PHTF2: variants seen among roughly 807,000 people sequenced by gnomAD.
PHTF2 encodes the protein putative homeodomain transcription factor 2, also known as protein PHTF2.
In PHTF2, 60 loss-of-function variants were observed where a neutral mutation model predicts 101.2. That is an observed-to-expected ratio of 0.59 (90% CI 0.48 to 0.73). The LOEUF is 0.73. Ranked by LOEUF, PHTF2 falls within the 30% of genes least tolerant of loss-of-function variation. The probability of loss-of-function intolerance (pLI) is 0.00; values close to 1 mark genes in which losing one functional copy is unlikely to be tolerated. For synonymous variants in PHTF2, 311 were observed against 307.3 expected, an observed-to-expected ratio of 1.01 and a Z score of -0.13; for missense variants, 747 against 908.7, an observed-to-expected ratio of 0.82 and a Z score of 2.29.
At chr7:77,817,249 C>G (rs919887853) in intron 1 of PHTF2, among the ~76,000 whole-genome samples, 1 of 152,082 alleles carries the variant, frequency 6.6e-6, no homozygotes, top group Admixed American at 6.5e-5. Flanking sequence ...GTTTTTTTGA[C>G]AGTAGCCATT....
intron 3 of PHTF2, among the ~76,000 whole-genome samples, chr7:77,883,284 A>G (rs1429029546): frequency 2.0e-5 from 3 of 152,176 alleles, no homozygotes; most frequent in Non-Finnish European, 4.4e-5. Context: ...AAGGTTATTC[A>G]TCATTCTAAT....
At chr7:77,865,228 T>C (rs962430396) in intron 3 of PHTF2, among the ~76,000 whole-genome samples, 5 of 151,922 alleles carry the variant, frequency 3.3e-5, no homozygotes, top group African/African-American at 4.8e-5. Context: ...AATCTCCTCT[T>C]TTTTCTTTTT....
At chr7:77,873,771 C>T (rs1035586714) in intron 3 of PHTF2, among the ~76,000 whole-genome samples, 1 of 152,222 alleles carries the variant, frequency 6.6e-6, no homozygotes, top group Non-Finnish European at 1.5e-5. Context: ...CCACACGTCT[C>T]CATTCCAAGT....
intron 1 of PHTF2, among the ~76,000 whole-genome samples, chr7:77,836,005 C>T (rs978531425): frequency 1.3e-5 from 2 of 151,062 alleles, no homozygotes; most frequent in African/African-American, 4.9e-5. Context: ...GTATTCCCAG[C>T]TACTCGGGAG....
intron 12 of PHTF2, among the ~76,000 whole-genome samples, chr7:77,930,714 T>C (rs1804488678): frequency 1.3e-5 from 2 of 152,164 alleles, no homozygotes; most frequent in South Asian, 4.1e-4. Flanking sequence ...GCATGATTGG[T>C]TCTTGGTAAA....
intron 16 of PHTF2, among the ~76,000 whole-genome samples, chr7:77,948,744 C>T (rs1044112402): frequency 2.6e-5 from 4 of 152,068 alleles, no homozygotes; most frequent in Admixed American, 6.5e-5. Context: ...GAACACGTCA[C>T]GCCCATTAGA....
chr7:77,891,650 G>C (rs933940168), intron 3 of PHTF2, among the ~76,000 whole-genome samples: 1 of 152,040 alleles, frequency 6.6e-6, no homozygotes, highest in Non-Finnish European at 1.5e-5. Flanking sequence ...GCAGTGGCAT[G>C]ATCATGGCTC....
intron 8 of PHTF2, chr7:77,909,422 T>C (rs1183519038): frequency 6.5e-6 from 1 of 152,802 alleles, no homozygotes; most frequent in African/African-American, 2.4e-5. Context: ...TCACCCAGGC[T>C]GGAGTCCAGC....
chr7:77,890,304 C>A (rs1800273269), intron 3 of PHTF2, among the ~76,000 whole-genome samples: 1 of 152,164 alleles, frequency 6.6e-6, no homozygotes, highest in African/African-American at 2.4e-5. Flanking sequence ...AAGTACCATG[C>A]TGGAGTTGCA....
At chr7:77,857,270 A>C (rs902466873) in intron 3 of PHTF2, among the ~76,000 whole-genome samples, 11 of 152,216 alleles carry the variant, frequency 7.2e-5, no homozygotes, top group Non-Finnish European at 1.0e-4. Flanking sequence ...TATTGGAGAA[A>C]GTTGTGGAAA....
At chr7:77,800,436 G>A (rs115561825) in intron 1 of PHTF2, among the ~76,000 whole-genome samples, 102 of 152,288 alleles carry the variant, frequency 6.7e-4, no homozygotes, top group African/African-American at 2.3e-3. Context: ...GTGTTAGTGA[G>A]GTGGAGAGTT....
At chr7:77,831,557 C>A in intron 1 of PHTF2, among the ~76,000 whole-genome samples, 1 of 152,188 alleles carries the variant, frequency 6.6e-6, no homozygotes, top group East Asian at 1.9e-4. Flanking sequence ...GACAAGTCTA[C>A]TGACGTTGAC....
At chr7:77,850,387 G>GAAAAAAAAAAAAAAAA (rs79975851) in intron 2 of PHTF2, among the ~76,000 whole-genome samples, 1 of 91,648 alleles carries the variant, frequency 1.1e-5, no homozygotes, top group Admixed American at 1.1e-4. Flanking sequence ...AAAAAAAAAG[G>GAAAAAAAAAAAAAAAA]CACGATGGCT....
At position 77,917,474 on chromosome 7, in the gene PHTF2, C is replaced by T. The variant is rs951580673; in HGVS notation, c.777-2805C>T. On this transcript the variant is annotated intron_variant, in intron 9 of 19. Transcript: ENST00000416283. ...AATTACATTTATTTCTATAGCTATCCAGGTATATTATACACCATCAATTTG... is the reference window on the plus strand; with the variant it reads ...AATTACATTTATTTCTATAGCTATCTAGGTATATTATACACCATCAATTTG... 2.0e-5 allele frequency among the ~76,000 whole-genome samples: 3 copies of T among 152,114 alleles called. No homozygotes were observed. The South Asian group carries it at 6.2e-4, about 32-fold the overall frequency.
At chr7:77,953,405 T>C (rs2151002239) in intron 18 of PHTF2, among the ~76,000 whole-genome samples, 1 of 152,340 alleles carries the variant, frequency 6.6e-6, no homozygotes, top group East Asian at 1.9e-4. Context: ...TGTTATAATC[T>C]TGTCAGAAAA....
intron 16 of PHTF2, among the ~76,000 whole-genome samples, chr7:77,946,476 G>C: frequency 6.6e-6 from 1 of 152,082 alleles, no homozygotes; most frequent in East Asian, 1.9e-4. Flanking sequence ...AAAAACAATC[G>C]TAAACTATAT....
At chr7:77,859,911 T>C (rs1797493000) in intron 3 of PHTF2, among the ~76,000 whole-genome samples, 1 of 152,210 alleles carries the variant, frequency 6.6e-6, no homozygotes, top group African/African-American at 2.4e-5. Flanking sequence ...AGGAATACGT[T>C]TATGCAAAAT....
At chr7:77,837,523 C>T (rs1584448391) in intron 1 of PHTF2, among the ~76,000 whole-genome samples, 3 of 152,154 alleles carry the variant, frequency 2.0e-5, no homozygotes, top group Admixed American at 1.3e-4. Context: ...AGGTTGTTGA[C>T]ACAATGGAAA....
intron 1 of PHTF2, among the ~76,000 whole-genome samples, chr7:77,805,129 T>C (rs1046182634): frequency 6.6e-6 from 1 of 152,248 alleles, no homozygotes; most frequent in Non-Finnish European, 1.5e-5. Flanking sequence ...TTATTTCTTC[T>C]TGAATTAGCA....
Sources: gnomAD v4.1 joint callset for allele counts (sites outside exome capture counted in the v4.1 genomes callset) on GRCh38, gnomAD v4.1.1 for gene constraint, MANE v1.5 for transcripts, NCBI Gene and HGNC (gene_info 2026-07-23, HGNC 2026-07-21) for gene names.